Variants in SCD5 observed in about 807,000 individuals in gnomAD.
The protein encoded by SCD5 is stearoyl-CoA desaturase 5.
SCD5 carries 20 observed loss-of-function variants against 30.4 expected under a neutral mutation model. The ratio of observed to expected loss-of-function variants is 0.66; its 90% confidence interval spans 0.46 to 0.96. The LOEUF (loss-of-function observed/expected upper bound fraction) is 0.96. Among genes scored for constraint, SCD5 ranks in the 40% least tolerant of loss-of-function variants. The pLI is 0.00. For synonymous variants in SCD5, 173 were observed against 176.4 expected, an observed-to-expected ratio of 0.98 and a Z score of 0.16; for missense variants, 381 against 443.3, an observed-to-expected ratio of 0.86 and a Z score of 1.26.
At chr4:82,688,977 C>T (rs1506603) in intron 2 of SCD5, among the ~76,000 whole-genome samples, 152,326 of 152,328 alleles carry the variant, frequency 1, 76,162 homozygotes, top group Middle Eastern at 1. Flanking sequence ...CTTTGGAGGG[C>T]TTTTGGTCAG....
intron 1 of SCD5, among the ~76,000 whole-genome samples, chr4:82,754,862 G>C (rs1467068679): frequency 2.0e-5 from 3 of 152,154 alleles, no homozygotes; most frequent in Non-Finnish European, 4.4e-5. Context: ...GAAGTGACAA[G>C]CCTCGAAGGC....
At chr4:82,722,548 G>C (rs1305536604) in intron 1 of SCD5, among the ~76,000 whole-genome samples, 1 of 152,160 alleles carries the variant, frequency 6.6e-6, no homozygotes, top group African/African-American at 2.4e-5. Context: ...AGGATCACCT[G>C]AGGTCAGGGG....
intron 3 of SCD5, among the ~76,000 whole-genome samples, chr4:82,658,050 A>AT (rs1375748927): frequency 2.6e-5 from 4 of 152,164 alleles, no homozygotes; most frequent in Non-Finnish European, 4.4e-5. Context: ...AACAGAGACA[A>AT]TTTGACTTCC....
intron 3 of SCD5, among the ~76,000 whole-genome samples, chr4:82,640,664 G>A (rs1334195708): frequency 6.6e-6 from 1 of 152,158 alleles, no homozygotes; most frequent in Admixed American, 6.5e-5. Context: ...TTCCTCCTGT[G>A]CACTTTTAGC....
intron 2 of SCD5, among the ~76,000 whole-genome samples, chr4:82,692,922 T>A (rs1267259780): frequency 6.6e-6 from 1 of 152,046 alleles, no homozygotes; most frequent in Non-Finnish European, 1.5e-5. Flanking sequence ...TGGGGATAAG[T>A]AGGATCCACG....
intron 3 of SCD5, among the ~76,000 whole-genome samples, chr4:82,637,143 T>C (rs924588328): frequency 3.9e-5 from 6 of 152,206 alleles, no homozygotes; most frequent in African/African-American, 9.6e-5. Context: ...GAGCTACATT[T>C]ATCCCACAGG....
chr4:82,661,979 C>G (rs1279442734), intron 3 of SCD5, among the ~76,000 whole-genome samples: 1 of 152,122 alleles, frequency 6.6e-6, no homozygotes, highest in African/African-American at 2.4e-5. Flanking sequence ...AGATTTTTCT[C>G]TCCAACAAAA....
At chr4:82,641,982 A>T (rs1220148353) in intron 3 of SCD5, among the ~76,000 whole-genome samples, 2 of 152,110 alleles carry the variant, frequency 1.3e-5, no homozygotes, top group Admixed American at 6.5e-5. Flanking sequence ...CCCAATATAC[A>T]TCCAAATGGG....
Position 82,783,601 on chromosome 4 carries a change from C to T in SCD5, c.232+14705G>A, listed in dbSNP as rs111463529. On this transcript the variant is annotated intron_variant, in intron 1 of 4. Coordinates refer to ENST00000319540, the MANE Select transcript of SCD5 (RefSeq NM_001037582.3). ...GGGCGGATCACCTGAGGTCGGAGGT[C>T]GAGACCAGCCTGACCAACATGGAGA... 9.6e-3 allele frequency among the ~76,000 whole-genome samples: 1,462 copies of T among 152,096 alleles called. 24 individuals carry two copies. Among genetic ancestry groups the T allele is most frequent in the African/African-American group, 0.033 (1,376 of 41,498 alleles).
intron 2 of SCD5, among the ~76,000 whole-genome samples, chr4:82,687,418 A>T (rs770940660): frequency 6.6e-6 from 1 of 152,224 alleles, no homozygotes; most frequent in Admixed American, 6.5e-5. Context: ...TTTGTAATAC[A>T]GGAGAAACAA....
chr4:82,714,224 T>C (rs1220597031), intron 1 of SCD5, among the ~76,000 whole-genome samples: 1 of 152,216 alleles, frequency 6.6e-6, no homozygotes, highest in Non-Finnish European at 1.5e-5. Context: ...TCCTATTCCA[T>C]TTCCCTATTC....
chr4:82,660,564 A>T, intron 3 of SCD5: 1 of 1,191,062 alleles, frequency 8.4e-7, no homozygotes, highest in Non-Finnish European at 1.1e-6. Flanking sequence ...ATACTTTCAC[A>T]TATATTAACT....
At chr4:82,699,187 C>T (rs1349852333) in intron 2 of SCD5, among the ~76,000 whole-genome samples, 1 of 152,130 alleles carries the variant, frequency 6.6e-6, no homozygotes, top group African/African-American at 2.4e-5. Context: ...AAACTGGTCC[C>T]TAGTGCCATA....
At chr4:82,741,853 C>CGGGGGGGGGGGGGTGG (rs34875819) in intron 1 of SCD5, among the ~76,000 whole-genome samples, 1 of 45,406 alleles carries the variant, frequency 2.2e-5, no homozygotes, top group African/African-American at 7.3e-5. Context: ...TCAGAGTGGG[C>CGGGGGGGGGGGGGTGG]GGGGGGGGGG....
chr4:82,769,887 C>G (rs1316096128), intron 1 of SCD5, among the ~76,000 whole-genome samples: 4 of 151,866 alleles, frequency 2.6e-5, no homozygotes, highest in Non-Finnish European at 5.9e-5. Flanking sequence ...ACTATTCTTG[C>G]AACTTTTTTA....
At chr4:82,660,601 G>T in intron 3 of SCD5, 1 of 1,275,180 alleles carries the variant, frequency 7.8e-7, no homozygotes. Context: ...AATTTTGTAA[G>T]GTAGGTATCA....
Position 82,631,187 on chromosome 4 carries a change from A to G in SCD5, c.*140T>C. The G allele has an allele frequency of 3.2e-6, 2 of 623,996 alleles. No homozygotes were observed. The highest frequency in any genetic ancestry group is 3.5e-5 in the South Asian group (1 of 28,898). The allele number at this position is 623,996 out of a possible 1,614,324, so 38.7% of individuals were successfully genotyped here. The stretch of plus-strand genomic sequence containing the variant: ...ATTTCAACATTATTTTGAGATAAAC[A>G]AAAACATTCCCAAACCACATTGACT... On this transcript the variant is annotated 3_prime_UTR_variant, in exon 5 of 5. Transcript: ENST00000319540.
At chr4:82,687,546 T>C (rs1190670912) in intron 2 of SCD5, among the ~76,000 whole-genome samples, 1 of 152,266 alleles carries the variant, frequency 6.6e-6, no homozygotes, top group Non-Finnish European at 1.5e-5. Context: ...GTCATCCTTC[T>C]TCTATCTTTA....
rs530406326 is a variant in SCD5 at position 82,739,489 on chromosome 4, C to T, written c.233-34076G>A. Among the ~76,000 whole-genome samples, 10 of 152,380 alleles carry T rather than the reference C, an allele frequency of 6.6e-5. No homozygotes were observed. The South Asian group carries it at 1.0e-3, about 16-fold the overall frequency. ...GTGCAGCACCCCCTGCCGGTGGCCT[C>T]CCCGCACTGCCCTGGAGGGAGGTCG... On this transcript the variant is annotated intron_variant, in intron 1 of 4. Transcript: ENST00000319540.
Sources: gnomAD v4.1 joint callset for allele counts (sites outside exome capture counted in the v4.1 genomes callset) on GRCh38, gnomAD v4.1.1 for gene constraint, MANE v1.5 for transcripts, NCBI Gene and HGNC (gene_info 2026-07-23, HGNC 2026-07-21) for gene names.